KLHDC4: variants seen among roughly 807,000 people sequenced by gnomAD.
KLHDC4 encodes the protein kelch domain-containing protein 4.
KLHDC4 carries 90 observed loss-of-function variants against 62.4 expected under a neutral mutation model. The observed-to-expected ratio is 1.44, with a 90% confidence interval of 1.22 to 1.72. The LOEUF (loss-of-function observed/expected upper bound fraction) is 1.72, where lower values mean the gene tolerates loss of function less well. Ranked by LOEUF, KLHDC4 falls within the 40% of genes most tolerant of loss-of-function variation. The probability of loss-of-function intolerance (pLI) is 0.00; values close to 1 mark genes in which losing one functional copy is unlikely to be tolerated. For synonymous variants in KLHDC4, 386 were observed against 284.4 expected, an observed-to-expected ratio of 1.36 and a Z score of -3.59; for missense variants, 1,025 against 699.7, an observed-to-expected ratio of 1.47 and a Z score of -5.25.
rs535924745 is a variant in KLHDC4, at chr16:87,727,548, G to A, written c.600-624C>T. Among the ~76,000 whole-genome samples, 6 of 152,282 alleles carry A rather than the reference G, an allele frequency of 3.9e-5. No individual in the cohort carries two copies. The South Asian group carries it at 1.2e-3, about 32-fold the overall frequency. The stretch of plus-strand genomic sequence containing the variant: ...TGTGCCCGAAATCACAGCGCGGCAA[G>A]GAGGCCCCGCAGCCTTGCCCTGCTC... On this transcript the variant is annotated intron_variant, in intron 6 of 11. Transcript: ENST00000270583.
exon 1 of KLHDC4, chr16:87,701,100 T>C (rs2034123406): frequency 5.5e-6 from 1 of 181,342 alleles, no homozygotes; most frequent in Non-Finnish European, 1.1e-5. Flanking sequence ...ATTTTCACCA[T>C]GTGCCCCCTG....
chr16:87,730,424 C>G, intron 6 of KLHDC4, 128 bp downstream of exon 6: 2 of 773,828 alleles, frequency 2.6e-6, no homozygotes, highest in East Asian at 5.3e-5. Flanking sequence ...GTGTGGCTGC[C>G]CAAAGCTCAT....
At chr16:87,708,761 A>G (rs1248296954) in intron 10 of KLHDC4, among the ~76,000 whole-genome samples, 1 of 152,180 alleles carries the variant, frequency 6.6e-6, no homozygotes, top group Non-Finnish European at 1.5e-5. Flanking sequence ...GTTCTCACAA[A>G]ACAGCAAACA....
chr16:87,747,274 C>A (rs555578592), intron 5 of KLHDC4, among the ~76,000 whole-genome samples: 1 of 152,192 alleles, frequency 6.6e-6, no homozygotes, highest in African/African-American at 2.4e-5. Context: ...ACTCTCCTCA[C>A]CTGTCAATTG....
At chr16:87,711,934 G>GCCTGCACGGGGACCCTCCAC (rs1367745202) in intron 8 of KLHDC4, among the ~76,000 whole-genome samples, 1 of 135,452 alleles carries the variant, frequency 7.4e-6, no homozygotes, top group African/African-American at 3.4e-5. Flanking sequence ...CCCCCCTTGG[G>GCCTGCACGGGGACCCTCCAC]CCTGCACGGG....
At chr16:87,762,149 A>G (rs2143480219) in intron 1 of KLHDC4, 109 bp from the exon 2 acceptor site, 3 of 1,533,910 alleles carry the variant, frequency 2.0e-6, no homozygotes, top group Non-Finnish European at 2.6e-6. Context: ...GCTCAGTCAC[A>G]TCTGTGAATT....
chr16:87,761,715 T>C (rs1310450539), intron 2 of KLHDC4, among the ~76,000 whole-genome samples: 2 of 152,190 alleles, frequency 1.3e-5, no homozygotes, highest in Non-Finnish European at 2.9e-5. Context: ...GCTTTCAAAG[T>C]TGGCACCGGA....
At chr16:87,715,324 G>C (rs2036730761) in intron 7 of KLHDC4, among the ~76,000 whole-genome samples, 1 of 152,164 alleles carries the variant, frequency 6.6e-6, no homozygotes, top group Non-Finnish European at 1.5e-5. Context: ...ATAGTACCGA[G>C]AGCTCTCACA....
intron 1 of KLHDC4, chr16:87,762,244 G>A (rs771412749): frequency 2.9e-5 from 31 of 1,054,700 alleles, no homozygotes; most frequent in Non-Finnish European, 3.8e-5. Flanking sequence ...TCTGCTTAAA[G>A]GGTAGATGTG....
At chr16:87,698,389 CTGCTCTGTGCAGCTCTCACA>C (rs2033991469) in exon 1 of KLHDC4, 1 of 115,716 alleles carries the variant, frequency 8.6e-6, no homozygotes, top group Non-Finnish European at 1.7e-5. Flanking sequence ...TCTCAGACTC[CTGCTCTGTGCAGCTCTCACA>C]AAGATCACAG....
chr16:87,706,151 C>T (rs1175812095), downstream of KLHDC4, among the ~76,000 whole-genome samples: 1 of 114,044 alleles, frequency 8.8e-6, no homozygotes, highest in Non-Finnish European at 1.7e-5. Flanking sequence ...GCGGGGGGGT[C>T]AGCGTAATGC....
chr16:87,749,287 G>T (rs1477853443), intron 4 of KLHDC4, among the ~76,000 whole-genome samples: 1 of 152,082 alleles, frequency 6.6e-6, no homozygotes, highest in Admixed American at 6.6e-5. Context: ...CAGGCGCGGT[G>T]GCTCACACCT....
intron 5 of KLHDC4, among the ~76,000 whole-genome samples, chr16:87,735,169 G>T (rs61387673): frequency 0.12 from 18,071 of 151,674 alleles, 1,629 homozygotes; most frequent in African/African-American, 0.25. Flanking sequence ...GCATGGTGGC[G>T]GGCGCCTGTA....
intron 7 of KLHDC4, among the ~76,000 whole-genome samples, chr16:87,719,222 T>C (rs1465232442): frequency 6.6e-6 from 1 of 152,176 alleles, no homozygotes; most frequent in African/African-American, 2.4e-5. Context: ...TTTTGTCAAA[T>C]AGAAAAGGGG....
intron 4 of KLHDC4, among the ~76,000 whole-genome samples, chr16:87,753,303 T>C (rs900318529): frequency 1.3e-5 from 2 of 152,146 alleles, no homozygotes; most frequent in Non-Finnish European, 2.9e-5. Context: ...TATCAGAGCT[T>C]ACACAGGGCT....
rs772981018 is a variant in KLHDC4 at position 87,709,379 on chromosome 16, AG to A, written c.1332del (p.Tyr445ThrfsTer131). ...NAMLAVKHGVLYVYGGMFEAG... is the reference protein window; with the variant it reads ...NAMLAVKHGVXYVYGGMFEAG... ...GCCTCAAACATGCCCCCATAGACGT[AG>A]AGCACCCCATGCTTCACAGCCAGCA... On this transcript the variant is annotated frameshift_variant, in exon 10 of 12. Coordinates refer to ENST00000270583, the MANE Select transcript of KLHDC4 (RefSeq NM_017566.4). LOFTEE classifies it high-confidence loss of function. 1.8e-5 allele frequency: 29 copies of A among 1,613,440 alleles called. No homozygotes were observed. The highest frequency in any genetic ancestry group is 2.5e-5 in the Non-Finnish European group (29 of 1,179,912).
At position 87,741,758 on chromosome 16, in the gene KLHDC4, G is replaced by C. The variant is rs142064998; in HGVS notation, c.506+6915C>G. ...AAGAAAACCCTTAAAAGCCAAGGAA[G>C]AGACTGACTACTCCAGATACTGAAT... On this transcript the variant is annotated intron_variant, in intron 5 of 11. Transcript: ENST00000270583. Among the ~76,000 whole-genome samples, 601 of 152,328 alleles carry C rather than the reference G, an allele frequency of 3.9e-3. 1 individual carries two copies. Among genetic ancestry groups the C allele is most frequent in the African/African-American group, 0.014 (579 of 41,572 alleles).
At chr16:87,733,034 G>A (rs376936356) in intron 5 of KLHDC4, among the ~76,000 whole-genome samples, 32 of 137,768 alleles carry the variant, frequency 2.3e-4, no homozygotes, top group African/African-American at 8.2e-4. Flanking sequence ...AGCTTCTATC[G>A]GTGAAAAGGC....
intron 2 of KLHDC4, among the ~76,000 whole-genome samples, chr16:87,761,719 C>T (rs542017118): frequency 2.6e-5 from 4 of 152,188 alleles, no homozygotes; most frequent in Non-Finnish European, 5.9e-5. Context: ...TCAAAGTTGG[C>T]ACCGGAGCCC....
Sources: allele counts gnomAD v4.1 joint callset (sites outside exome capture counted in the v4.1 genomes callset), GRCh38; gene constraint gnomAD v4.1.1; transcripts MANE v1.5; gene names NCBI Gene and HGNC (gene_info 2026-07-23, HGNC 2026-07-21).